FMNL2: variants seen among roughly 807,000 people sequenced by gnomAD.
The protein encoded by FMNL2 is formin like 2.
A neutral mutation model predicts 130.2 loss-of-function variants in FMNL2; 51 were observed. That is an observed-to-expected ratio of 0.39 (90% CI 0.31 to 0.49). The LOEUF is 0.49. Ranked by LOEUF, FMNL2 falls within the 20% of genes least tolerant of loss-of-function variation. FMNL2 has a pLI of 0.85. For missense variants in FMNL2, 977 were observed against 1,316.2 expected, an observed-to-expected ratio of 0.74 and a Z score of 3.99; for synonymous variants, 465 against 467.1, an observed-to-expected ratio of 1.00 and a Z score of 0.06.
chr2:152,514,405 T>G (rs1215221333), intron 1 of FMNL2, among the ~76,000 whole-genome samples: 2 of 152,186 alleles, frequency 1.3e-5, no homozygotes, highest in Non-Finnish European at 2.9e-5. Context: ...GATGCACAGC[T>G]CTTTGCCTTC....
intron 1 of FMNL2, among the ~76,000 whole-genome samples, chr2:152,424,955 C>A (rs1687123037): frequency 6.6e-6 from 1 of 152,196 alleles, no homozygotes; most frequent in South Asian, 2.1e-4. Context: ...GGCATTGATA[C>A]AAGGGCGCTG....
intron 1 of FMNL2, among the ~76,000 whole-genome samples, chr2:152,496,243 C>T (rs1558913383): frequency 1.3e-5 from 2 of 152,092 alleles, no homozygotes; most frequent in African/African-American, 2.4e-5. Context: ...AACAGTCAGT[C>T]TGTCTTTGTT....
intron 9 of FMNL2, among the ~76,000 whole-genome samples, chr2:152,586,835 T>C (rs1697105240): frequency 6.6e-6 from 1 of 152,200 alleles, no homozygotes; most frequent in Admixed American, 6.5e-5. Context: ...AATTTTTTGC[T>C]GTGGATACGA....
intron 15 of FMNL2, among the ~76,000 whole-genome samples, chr2:152,624,601 G>GGCCGAGTGGGGAAGCTC (rs1681644090): frequency 6.6e-6 from 1 of 152,162 alleles, no homozygotes; most frequent in Non-Finnish European, 1.5e-5. Flanking sequence ...CACTCTGGGA[G>GGCCGAGTGGGGAAGCTC]GCCGAGTGGG....
At chr2:152,533,335 CTT>C (rs1197282393) in intron 2 of FMNL2, among the ~76,000 whole-genome samples, 1 of 152,132 alleles carries the variant, frequency 6.6e-6, no homozygotes, top group Non-Finnish European at 1.5e-5. Flanking sequence ...ATTTATCTAA[CTT>C]TACCTCCAAC....
intron 1 of FMNL2, among the ~76,000 whole-genome samples, chr2:152,354,866 G>A (rs749052723): frequency 3.3e-5 from 5 of 152,206 alleles, no homozygotes; most frequent in South Asian, 2.1e-4. Context: ...TTGCATGGGC[G>A]GAAGCTGTGT....
chr2:152,475,227 C>A (rs1471375763), intron 1 of FMNL2, among the ~76,000 whole-genome samples: 16 of 152,166 alleles, frequency 1.1e-4, no homozygotes, highest in Admixed American at 1.0e-3. Context: ...TCTAGTTTAT[C>A]TTTGGACCCA....
chr2:152,629,991 T>G, intron 20 of FMNL2, 86 bp downstream of exon 20: 4 of 1,285,898 alleles, frequency 3.1e-6, no homozygotes, highest in Non-Finnish European at 4.3e-6. Flanking sequence ...GATGTTTTGA[T>G]GAATATTTTC....
chr2:152,432,129 A>G (rs2106093802), intron 1 of FMNL2, among the ~76,000 whole-genome samples: 1 of 152,082 alleles, frequency 6.6e-6, no homozygotes, highest in South Asian at 2.1e-4. Flanking sequence ...GTATTTGGCT[A>G]ATATCTATGT....
intron 1 of FMNL2, among the ~76,000 whole-genome samples, chr2:152,454,465 A>C (rs895740294): frequency 2.2e-5 from 2 of 92,054 alleles, no homozygotes; most frequent in Non-Finnish European, 3.7e-5. Context: ...AGTTGAAAAT[A>C]TCTCTTTTGG....
chr2:152,508,549 T>G (rs1692307754), intron 1 of FMNL2, among the ~76,000 whole-genome samples: 1 of 152,228 alleles, frequency 6.6e-6, no homozygotes, highest in African/African-American at 2.4e-5. Context: ...TTGGTTCATG[T>G]GAGTTAGCTA....
intron 1 of FMNL2, among the ~76,000 whole-genome samples, chr2:152,474,028 C>T (rs1690000325): frequency 6.6e-6 from 1 of 152,144 alleles, no homozygotes; most frequent in Non-Finnish European, 1.5e-5. Context: ...GAGTGCAACA[C>T]CACACCCAGC....
intron 12 of FMNL2, 138 bp from the exon 13 acceptor site, chr2:152,616,953 T>C: frequency 1.5e-6 from 1 of 663,262 alleles, no homozygotes; most frequent in Non-Finnish European, 2.6e-6. Context: ...ATTATAAACA[T>C]TACCATTTCC....
intron 9 of FMNL2, among the ~76,000 whole-genome samples, chr2:152,581,873 C>T (rs1026466194): frequency 6.6e-6 from 1 of 152,158 alleles, no homozygotes; most frequent in Admixed American, 6.5e-5. Flanking sequence ...CCATTTAATT[C>T]CAAATGCTTT....
intron 1 of FMNL2, among the ~76,000 whole-genome samples, chr2:152,410,823 G>A (rs963340633): frequency 5.3e-5 from 8 of 152,148 alleles, no homozygotes; most frequent in Non-Finnish European, 1.0e-4. Flanking sequence ...CCCCCCCTTG[G>A]GAGAGAAGTA....
At chr2:152,370,073 AT>A (rs1389914117) in intron 1 of FMNL2, among the ~76,000 whole-genome samples, 1 of 152,156 alleles carries the variant, frequency 6.6e-6, no homozygotes, top group Non-Finnish European at 1.5e-5. Context: ...ACTAAAGATA[AT>A]TTGTGAACAT....
At chr2:152,413,909 T>C (rs1171060216) in intron 1 of FMNL2, among the ~76,000 whole-genome samples, 1 of 152,226 alleles carries the variant, frequency 6.6e-6, no homozygotes, top group Non-Finnish European at 1.5e-5. Context: ...GTGACTTTTA[T>C]CCTCTTGCAT....
At chr2:152,639,307 T>A (rs1214652670) in intron 23 of FMNL2, among the ~76,000 whole-genome samples, 1 of 152,222 alleles carries the variant, frequency 6.6e-6, no homozygotes, top group Non-Finnish European at 1.5e-5. Flanking sequence ...GTCTGTGACC[T>A]TCTGCTTCAG....
chr2:152,486,395 T>G (rs553847638), intron 1 of FMNL2, among the ~76,000 whole-genome samples: 2 of 152,334 alleles, frequency 1.3e-5, no homozygotes, highest in Non-Finnish European at 2.9e-5. Context: ...AACTGGGGAC[T>G]GGGCTATAAG....
Sources: gnomAD v4.1 joint callset for allele counts (sites outside exome capture counted in the v4.1 genomes callset) on GRCh38, gnomAD v4.1.1 for gene constraint, MANE v1.5 for transcripts, NCBI Gene and HGNC (gene_info 2026-07-23, HGNC 2026-07-21) for gene names.